IFT88: variants seen among roughly 807,000 people sequenced by gnomAD.
The protein encoded by IFT88 is intraflagellar transport 88.
IFT88 carries 74 observed loss-of-function variants against 119.5 expected under a neutral mutation model. That is an observed-to-expected ratio of 0.62 (90% CI 0.51 to 0.75). The LOEUF (loss-of-function observed/expected upper bound fraction) is 0.75. Among genes scored for constraint, IFT88 ranks in the 30% least tolerant of loss-of-function variants. The probability of loss-of-function intolerance (pLI) is 0.00; values close to 1 mark genes in which losing one functional copy is unlikely to be tolerated. For missense variants in IFT88, 961 were observed against 977.7 expected (o/e 0.98, Z 0.23); for synonymous variants, 279 against 316.7 (o/e 0.88, Z 1.26).
intron 4 of IFT88, among the ~76,000 whole-genome samples, chr13:20,590,374 G>T (rs71426018): frequency 0.012 from 1,756 of 152,148 alleles, 12 homozygotes; most frequent in South Asian, 0.032. Flanking sequence ...GGATGTTTTA[G>T]CTTATATGAA....
chr13:20,632,426 T>C (rs1388854369), intron 16 of IFT88, among the ~76,000 whole-genome samples: 3 of 152,092 alleles, frequency 2.0e-5, no homozygotes, highest in Non-Finnish European at 4.4e-5. Context: ...TCTACCAGGG[T>C]GGTAAACTAT....
chr13:20,682,517 T>G (rs1019351620), intron 24 of IFT88, among the ~76,000 whole-genome samples: 2 of 152,156 alleles, frequency 1.3e-5, no homozygotes, highest in Non-Finnish European at 2.9e-5. Context: ...TGAAAGTCAT[T>G]CAGTGTTTTC....
chr13:20,671,159 A>G (rs758908292), intron 24 of IFT88, 120 bp downstream of exon 24: 3 of 578,622 alleles, frequency 5.2e-6, no homozygotes, highest in Non-Finnish European at 8.7e-6. Flanking sequence ...TTCTATACAC[A>G]GTGAAACTTC....
intron 24 of IFT88, among the ~76,000 whole-genome samples, chr13:20,683,311 G>A (rs1056916283): frequency 2.0e-5 from 3 of 152,004 alleles, no homozygotes; most frequent in Admixed American, 6.6e-5. Context: ...CTGTCCTTCC[G>A]CTTGAAGCAG....
chr13:20,608,348 G>A (rs925897135), intron 13 of IFT88, among the ~76,000 whole-genome samples: 1 of 152,196 alleles, frequency 6.6e-6, no homozygotes, highest in African/African-American at 2.4e-5. Flanking sequence ...AGACGGCTGT[G>A]GGCTCTGGGC....
At chr13:20,664,025 C>T (rs1249468772) in intron 23 of IFT88, among the ~76,000 whole-genome samples, 2 of 152,146 alleles carry the variant, frequency 1.3e-5, no homozygotes, top group Non-Finnish European at 2.9e-5. Context: ...GTTTGAGAAG[C>T]ACTCAGGCTT....
intron 3 of IFT88, among the ~76,000 whole-genome samples, chr13:20,588,850 C>T (rs2040184098): frequency 6.6e-6 from 1 of 152,142 alleles, no homozygotes. Flanking sequence ...CTTATGAGGG[C>T]TAGTATACTA....
intron 14 of IFT88, among the ~76,000 whole-genome samples, chr13:20,617,797 A>G (rs1016429652): frequency 6.6e-6 from 1 of 151,916 alleles, no homozygotes; most frequent in Non-Finnish European, 1.5e-5. Context: ...CTTTATTTTT[A>G]TTTTATTTTT....
intron 24 of IFT88, among the ~76,000 whole-genome samples, chr13:20,675,206 G>A (rs1044009478): frequency 6.6e-6 from 1 of 152,046 alleles, no homozygotes; most frequent in Non-Finnish European, 1.5e-5. Context: ...GCCGACACAA[G>A]TCAGCCAATT....
In IFT88 at chr13:20,631,079, A is replaced by C. The variant is rs1303926913; in HGVS notation, c.1363A>C (p.Asn455His). 1.2e-6 allele frequency: 2 copies of C among 1,603,198 alleles called. No homozygotes were observed. Among genetic ancestry groups the C allele is most frequent in the Non-Finnish European group, 1.7e-6 (2 of 1,170,000 alleles). The change falls in exon 16 of 26, where the codon AAT becomes CAT. Residue 455 changes from asparagine (N) to histidine (H), a missense_variant. Physicochemically the swap from Asn to His is moderately conservative, Grantham distance 68. Transcript: ENST00000351808. ...TAGAGTGAAAAGTGCAGCTGCAACC[A>C]ATCTCTCAGCCCTGTATTATATGGT... ...DSRVKSAAAT[N>H]LSALYYMGKD...
intron 17 of IFT88, 21 bp from the exon 18 acceptor site, chr13:20,641,269 T>C (rs761379227): frequency 1.4e-6 from 2 of 1,417,734 alleles, no homozygotes; most frequent in South Asian, 1.3e-5. Context: ...TAGATTTTCT[T>C]TTTTTTCTTC....
Position 20,643,541 on chromosome 13 carries a change from C to G in IFT88, c.1769C>G (p.Ser590Cys). ...SVIPTDPQVL[S>C]KLGELYDREG... The stretch of plus-strand genomic sequence containing the variant: ...ATTCCAACCGATCCTCAAGTTTTAT[C>G]TAAGCTAGGAGAATTATATGATCGT... The change falls in exon 19 of 26, where the codon TCT (serine) becomes TGT (cysteine). Residue 590 changes from serine to cysteine, a missense_variant. Transcript: ENST00000351808. 1 of 1,610,646 alleles carries G rather than the reference C, an allele frequency of 6.2e-7. No individual in the cohort carries two copies. Among genetic ancestry groups the G allele is most frequent in the Non-Finnish European group, 8.5e-7 (1 of 1,177,028 alleles).
At chr13:20,625,198 T>A (rs1207367751) in intron 14 of IFT88, among the ~76,000 whole-genome samples, 1 of 152,210 alleles carries the variant, frequency 6.6e-6, no homozygotes, top group Non-Finnish European at 1.5e-5. Flanking sequence ...ATTTTCTACC[T>A]TTGTGATCTC....
intron 23 of IFT88, 45 bp downstream of exon 23, chr13:20,663,649 T>C: frequency 7.4e-7 from 1 of 1,359,554 alleles, no homozygotes; most frequent in Non-Finnish European, 1.0e-6. Flanking sequence ...ATTTTTAGAA[T>C]GTCAGCCTTC....
chr13:20,593,481 T>C (rs2041085405), intron 7 of IFT88, among the ~76,000 whole-genome samples: 1 of 151,850 alleles, frequency 6.6e-6, no homozygotes, highest in Admixed American at 6.6e-5. Flanking sequence ...GTCACTATAC[T>C]GTTTTGCTTC....
chr13:20,604,635 CTAAT>C (rs919569135), intron 12 of IFT88, among the ~76,000 whole-genome samples: 8 of 152,104 alleles, frequency 5.3e-5, no homozygotes, highest in Non-Finnish European at 2.9e-5. Context: ...TTTTTTAAAA[CTAAT>C]TAGTAGGGAG....
Position 20,671,034 on chromosome 13 carries a change from G to A in IFT88, c.2237G>A (p.Ser746Asn). 2 of 1,613,632 alleles carry A rather than the reference G, an allele frequency of 1.2e-6. No individual in the cohort carries two copies. The highest frequency in any genetic ancestry group is 1.7e-6 in the Non-Finnish European group (2 of 1,179,634). The change falls in exon 24 of 26, where the codon AGC becomes AAC. Residue 746 changes from serine to asparagine, a missense_variant. Physicochemically the swap from Ser to Asn is conservative, Grantham distance 46 (BLOSUM62 1). Transcript: ENST00000351808. ...CGTGGCAAAAGAGAAGGAAGTGCTA[G>A]CGGTGGTAAGTATTTTCTCTTTCCC... ...GSRGKREGSA[S>N]GDSGQNYSAS...
rs370635098 is a variant in IFT88 at position 20,604,698 on chromosome 13, T to C, written c.1042-337T>C. ...GGCTGGACATGATGGCTTATGCCTA[T>C]AGTCCCAATACTTTGAAAGGCTGAG... is the stretch of plus-strand genomic sequence containing the variant. On this transcript the variant is annotated intron_variant, in intron 12 of 25. Coordinates refer to ENST00000351808, the MANE Select transcript of IFT88 (RefSeq NM_006531.5). 2.3e-3 allele frequency among the ~76,000 whole-genome samples: 356 copies of C among 152,358 alleles called. 1 individual carries two copies. The highest frequency in any genetic ancestry group is 0.017 in the South Asian group (81 of 4,830).
chr13:20,635,362 A>G (rs907587504), intron 16 of IFT88, among the ~76,000 whole-genome samples: 1 of 152,200 alleles, frequency 6.6e-6, no homozygotes, highest in East Asian at 1.9e-4. Context: ...TACCATGGAG[A>G]TATAAAGACA....
Sources: allele counts gnomAD v4.1 joint callset (sites outside exome capture counted in the v4.1 genomes callset), GRCh38; gene constraint gnomAD v4.1.1; transcripts MANE v1.5; gene names NCBI Gene and HGNC (gene_info 2026-07-23, HGNC 2026-07-21).